PABPC4: variants seen among roughly 807,000 people sequenced by gnomAD.
PABPC4 encodes the protein polyadenylate-binding protein 4.
In PABPC4, 15 loss-of-function variants were observed where a neutral mutation model predicts 74.5. The ratio of observed to expected loss-of-function variants is 0.20; its 90% CI spans 0.13 to 0.31. The LOEUF is 0.31. Ranked by LOEUF, PABPC4 falls within the 10% of genes least tolerant of loss-of-function variation. The pLI is 1.00. For missense variants in PABPC4, 610 were observed against 853.5 expected (o/e 0.71, Z 3.55); for synonymous variants, 345 against 303.0 (o/e 1.14, Z -1.44).
In PABPC4 at chr1:39,567,673, A is replaced by C. The variant is rs987289181; in HGVS notation, c.972+78T>G. 43 of 791,560 alleles carry C rather than the reference A, an allele frequency of 5.4e-5. 1 individual carries two copies. The Admixed American group carries it at 5.6e-4, about 10-fold the overall frequency. The allele number at this position is 791,560 out of a possible 1,614,324, so 49.0% of individuals were successfully genotyped here. The stretch of plus-strand genomic sequence containing the variant: ...CAGAAATGAACATAATTTAAATGCT[A>C]TTCCTTCAATGGGACAAATGCCAAT... On this transcript the variant is annotated intron_variant, in intron 7 of 15. Transcript: ENST00000372858.
intron 5 of PABPC4, among the ~76,000 whole-genome samples, chr1:39,569,284 A>C (rs952603290): frequency 1.3e-5 from 2 of 152,232 alleles, no homozygotes; most frequent in Non-Finnish European, 2.9e-5. Flanking sequence ...CTTTGCCCAC[A>C]AGTAGCTGCC....
rs549621229 is a variant in PABPC4 at position 39,574,082 on chromosome 1, C to T, written c.194-1496G>A. Among the ~76,000 whole-genome samples the T allele has an allele frequency of 3.9e-5, 6 of 152,302 alleles. 1 individual carries two copies. Among genetic ancestry groups the T allele is most frequent in the Middle Eastern group, 3.4e-3 (1 of 294 alleles). On this transcript the variant is annotated intron_variant, in intron 1 of 15. Coordinates refer to ENST00000372858, the MANE Select transcript of PABPC4 (RefSeq NM_001135653.2). The stretch of plus-strand genomic sequence containing the variant: ...GGGACAAAATTCCCCAACTCTGCCG[C>T]TCCACAAGCTCAACTGTTTCATTAG...
At position 39,575,987 on chromosome 1, in the gene PABPC4, G is replaced by A. The variant is rs1226967684; in HGVS notation, c.-36C>T. The stretch of plus-strand genomic sequence containing the variant: ...CCCACCACCCCGAGCCCCGCCAGGA[G>A]GACTTCTTATCGGGCCCGCCGCAGG... On this transcript the variant is annotated 5_prime_UTR_variant, in exon 1 of 16. Transcript: ENST00000372858. 3 of 1,401,060 alleles carry A rather than the reference G, an allele frequency of 2.1e-6. No homozygotes were observed. Among genetic ancestry groups the A allele is most frequent in the Non-Finnish European group, 2.8e-6 (3 of 1,053,090 alleles). 86.8% of individuals were successfully genotyped at this position (1,401,060 alleles called of 1,614,324 possible). A position where few individuals can be genotyped will look rare whatever the true frequency, so the allele number is the denominator to read the frequency against.
intron 4 of PABPC4, 31 bp from the exon 5 acceptor site, chr1:39,569,720 A>G (rs754801498): frequency 2.3e-5 from 36 of 1,593,866 alleles, no homozygotes; most frequent in Non-Finnish European, 3.1e-5. Context: ...TATTAGTAAC[A>G]CCATCTTGAG....
At position 39,562,381 on chromosome 1, in the gene PABPC4, C is replaced by A. The variant is rs1339387432; in HGVS notation, c.1704G>T (p.Glu568Asp). 3 of 1,613,946 alleles carry A rather than the reference C, an allele frequency of 1.9e-6. No homozygotes were observed. In the South Asian group the frequency reaches 3.3e-5, roughly 18 times the overall value. The change falls in exon 13 of 16, where the codon GAG (glutamate) becomes GAT (aspartate). Residue 568 changes from glutamate to aspartate, a missense_variant. Glu to Asp is a conservative substitution (Grantham distance 45). Coordinates refer to ENST00000372858, the MANE Select transcript of PABPC4 (RefSeq NM_001135653.2). ...CAGCCAGCATGGAGGCAGTCAGTGG[C>A]TCCTGCCCCTGCACATGGACCGCAG... ...PQPAVHVQGQ[E>D]PLTASMLAAA...
chr1:39,571,889 C>G (rs1345551682), intron 2 of PABPC4, among the ~76,000 whole-genome samples: 2 of 152,118 alleles, frequency 1.3e-5, no homozygotes, highest in Non-Finnish European at 2.9e-5. Flanking sequence ...TAAAACACAA[C>G]AACACATTTT....
intron 5 of PABPC4, 89 bp from the exon 6 acceptor site, chr1:39,569,028 T>A: frequency 6.9e-7 from 1 of 1,440,178 alleles, no homozygotes; most frequent in South Asian, 1.4e-5. Flanking sequence ...TTCTTTCTAC[T>A]ATAGGACTAA....
intron 6 of PABPC4, 28 bp downstream of exon 6, chr1:39,568,774 T>C: frequency 3.1e-6 from 5 of 1,604,762 alleles, no homozygotes; most frequent in Non-Finnish European, 4.3e-6. Context: ...GCAAATCCCA[T>C]TGCTAGGCTG....
At chr1:39,574,981 C>T (rs142925040) in intron 1 of PABPC4, among the ~76,000 whole-genome samples, 14 of 152,344 alleles carry the variant, frequency 9.2e-5, no homozygotes, top group African/African-American at 3.4e-4. Context: ...TCTCAGGAGT[C>T]CCATTTTCTT....
At chr1:39,571,548 G>A in intron 2 of PABPC4, 199 bp from the exon 3 acceptor site, 1 of 616,264 alleles carries the variant, frequency 1.6e-6, no homozygotes, top group African/African-American at 1.8e-5. Context: ...GCCCTACTAA[G>A]ATGCTTCTAT....
Position 39,569,912 on chromosome 1 carries a change from A to C in PABPC4, c.594T>G (p.Phe198Leu). 1 of 1,614,048 alleles carries C rather than the reference A, an allele frequency of 6.2e-7. No homozygotes were observed. Among genetic ancestry groups the C allele is most frequent in the Non-Finnish European group, 8.5e-7 (1 of 1,180,020 alleles). ...GACTCTCATCATCCACCTCTTCCCC[A>C]AAGTTTTTGATATAAACATTGGTGA... ...KEFTNVYIKNFGEEVDDESLK... is the reference protein window; with the variant it reads ...KEFTNVYIKNLGEEVDDESLK... The change falls in exon 4 of 16, where the codon TTT becomes TTG. Residue 198 changes from phenylalanine (F) to leucine (L), a missense_variant. By Grantham distance (22) the Phe-to-Leu change is conservative. Coordinates refer to ENST00000372858, the MANE Select transcript of PABPC4 (RefSeq NM_001135653.2).
At position 39,575,927 on chromosome 1, in the gene PABPC4, G is replaced by C; in HGVS notation, c.25C>G (p.Pro9Ala). 6.2e-7 allele frequency: 1 copy of C among 1,602,352 alleles called. No homozygotes were observed. Among genetic ancestry groups the C allele is most frequent in the Non-Finnish European group, 8.5e-7 (1 of 1,173,980 alleles). Residue 9 changes from proline to alanine, a missense_variant, in exon 1 of 16, where the codon CCC (proline) becomes GCC (alanine). Coordinates refer to ENST00000372858, the MANE Select transcript of PABPC4 (RefSeq NM_001135653.2). Reference protein sequence around the residue: MNAAASSYPMASLYVGDLH... With the variant: MNAAASSYAMASLYVGDLH... ...TCGCCCACGTACAGGGAGGCCATGG[G>C]GTAGCTGCTGGCCGCAGCGTTCATC... is the stretch of plus-strand genomic sequence containing the variant.
At chr1:39,572,355 A>G (rs1482343985) in intron 2 of PABPC4, 38 bp downstream of exon 2, 1 of 1,423,970 alleles carries the variant, frequency 7.0e-7, no homozygotes, top group East Asian at 2.3e-5. Flanking sequence ...TCAAGAATCA[A>G]TTAATTATTC....
chr1:39,576,078 A>G lies in PABPC4; in HGVS notation c.-127T>C. The G allele has an allele frequency of 1.6e-6, 1 of 637,908 alleles. No individual in the cohort carries two copies. Among genetic ancestry groups the G allele is most frequent in the Non-Finnish European group, 2.5e-6 (1 of 396,922 alleles). 39.5% of individuals were successfully genotyped at this position (637,908 alleles called of 1,614,324 possible). A position where few individuals can be genotyped will look rare whatever the true frequency, so the allele number is the denominator to read the frequency against. On this transcript the variant is annotated 5_prime_UTR_variant, in exon 1 of 16. Transcript: ENST00000372858. ...CACAGGTGGCACCGGCGCGGCGAGG[A>G]CGAGCTGGAGTCGGCGGGCTTGGAG... is the stretch of plus-strand genomic sequence containing the variant.
At chr1:39,568,263 A>G (rs111823933) in intron 6 of PABPC4, 85 of 144,516 alleles carry the variant, frequency 5.9e-4, no homozygotes, top group South Asian at 1.1e-3. Flanking sequence ...TCAAGAAAAA[A>G]AAAAAAAAAA....
chr1:39,576,106 G>T lies in PABPC4; in HGVS notation c.-155C>A. 1 of 539,912 alleles carries T rather than the reference G, an allele frequency of 1.9e-6. No individual in the cohort carries two copies. The highest frequency in any genetic ancestry group is 3.2e-6 in the Non-Finnish European group (1 of 313,182). The allele number at this position is 539,912 out of a possible 1,614,324, so 33.4% of individuals were successfully genotyped here. Reference sequence around the variant, plus strand: ...AGCTGGAGTCGGCGGGCTTGGAGACGGGACGGAAACGGGAGGCGGGGGCCG... The same window carrying T: ...AGCTGGAGTCGGCGGGCTTGGAGACTGGACGGAAACGGGAGGCGGGGGCCG... On this transcript the variant is annotated 5_prime_UTR_variant, in exon 1 of 16. Transcript: ENST00000372858.
rs1236176588 is a variant in PABPC4 at position 39,565,241 on chromosome 1, C to T, written c.1110G>A (p.Arg370=). 1.2e-6 allele frequency: 2 copies of T among 1,614,230 alleles called. No homozygotes were observed. The highest frequency in any genetic ancestry group is 1.7e-5 in the Admixed American group (1 of 60,032). ...SKPLYVALAQ[R]KEERKAHLTN... ...TCAGGTGAGCCTTTCTCTCTTCCTT[C>T]CTCTGGGCCAGGGCAACATATAGTG... is the stretch of plus-strand genomic sequence containing the variant. Residue 370 remains arginine, a synonymous_variant, in exon 8 of 16, where the codon AGG becomes AGA. Coordinates refer to ENST00000372858, the MANE Select transcript of PABPC4 (RefSeq NM_001135653.2).
intron 5 of PABPC4, 63 bp from the exon 6 acceptor site, chr1:39,569,002 T>C: frequency 2.6e-6 from 4 of 1,530,178 alleles, no homozygotes; most frequent in Non-Finnish European, 3.5e-6. Flanking sequence ...TCTGGAGGTC[T>C]AAGTCCCAAA....
chr1:39,571,014 G>A (rs1319369608), intron 3 of PABPC4: 1 of 1,397,916 alleles, frequency 7.2e-7, no homozygotes, highest in Non-Finnish European at 9.4e-7. Context: ...TTAAGGGAGA[G>A]GCGGCAGGCA....
Sources: allele counts gnomAD v4.1 joint callset (sites outside exome capture counted in the v4.1 genomes callset), GRCh38; gene constraint gnomAD v4.1.1; transcripts MANE v1.5; gene names NCBI Gene and HGNC (gene_info 2026-07-23, HGNC 2026-07-21).